FMNL2: variants seen among roughly 807,000 people sequenced by gnomAD.
The protein encoded by FMNL2 is formin like 2.
Under a neutral mutation model 130.2 loss-of-function variants are expected in FMNL2, and 51 were observed. That is an observed-to-expected ratio of 0.39 (90% confidence interval 0.31 to 0.49). The LOEUF (loss-of-function observed/expected upper bound fraction) is 0.49, where lower values mean the gene tolerates loss of function less well. FMNL2 is among the 20% of genes least tolerant of loss of function. The pLI, the probability that FMNL2 is intolerant of heterozygous loss-of-function variation, is 0.85. For missense variants in FMNL2, 977 were observed against 1,316.2 expected (o/e 0.74, Z 3.99); for synonymous variants, 465 against 467.1 (o/e 1.00, Z 0.06).
At chr2:152,397,391 A>G (rs201639612) in intron 1 of FMNL2, among the ~76,000 whole-genome samples, 21,288 of 148,638 alleles carry the variant, frequency 0.14, 1,786 homozygotes, top group African/African-American at 0.21. Flanking sequence ...TTAGGGGGAA[A>G]AAAAAAAATG....
chr2:152,348,818 GTTTTTTTTTTTTTTTTT>G (rs1244621847), intron 1 of FMNL2, among the ~76,000 whole-genome samples: 1 of 71,814 alleles, frequency 1.4e-5, no homozygotes, highest in African/African-American at 6.1e-5. Flanking sequence ...GCTTCTAAGG[GTTTTTTTTTTTTTTTTT>G]TTTTTTTTTT....
intron 1 of FMNL2, among the ~76,000 whole-genome samples, chr2:152,426,312 A>G (rs1313589788): frequency 6.6e-6 from 1 of 152,182 alleles, no homozygotes; most frequent in East Asian, 1.9e-4. Flanking sequence ...GTGTATTTAG[A>G]AGACCTTTTA....
intron 4 of FMNL2, among the ~76,000 whole-genome samples, chr2:152,556,179 A>G (rs1558960654): frequency 6.6e-6 from 1 of 152,174 alleles, no homozygotes. Flanking sequence ...CATGTCATCC[A>G]TACCCTTATT....
rs796954245 is a variant in FMNL2, at chr2:152,375,877, C to CTCTCTCTCTCTCTATATATA, written c.117+40158_117+40159insCTCTCTCTCTCTATATATAT. The stretch of plus-strand genomic sequence containing the variant: ...TCTCTCTCTCTCTCTCTCTCTCTCT[C>CTCTCTCTCTCTCTATATATA]TATATATATATATATATATAATTAT... On this transcript the variant is annotated intron_variant, in intron 1 of 25. Transcript: ENST00000288670. 5.4e-4 allele frequency among the ~76,000 whole-genome samples: 61 copies of CTCTCTCTCTCTCTATATATA among 112,462 alleles called. No individual in the cohort carries two copies. The East Asian group carries it at 0.01, about 19-fold the overall frequency. 73.8% of individuals were successfully genotyped at this position (112,462 alleles called of 152,430 possible).
intron 1 of FMNL2, chr2:152,389,805 C>G: frequency 4.3e-6 from 6 of 1,388,718 alleles, no homozygotes; most frequent in Non-Finnish European, 6.1e-6. Flanking sequence ...CAGACTTTTT[C>G]ACTGCAGGAG....
In FMNL2 at chr2:152,515,208, G is replaced by C. The variant is rs1352563855; in HGVS notation, c.118-6735G>C. On this transcript the variant is annotated intron_variant, in intron 1 of 25. Transcript: ENST00000288670. ...CTACTTTCCGTAGCAAAAAGTAATG[G>C]CTCCTTCTCTGAGGTTCTGTCGGAT... is the stretch of plus-strand genomic sequence containing the variant. Among the ~76,000 whole-genome samples, 4 of 152,152 alleles carry C rather than the reference G, an allele frequency of 2.6e-5. No individual in the cohort carries two copies. The East Asian group carries it at 5.8e-4, about 22-fold the overall frequency.
At chr2:152,442,375 C>G (rs1400342266) in intron 1 of FMNL2, among the ~76,000 whole-genome samples, 2 of 151,994 alleles carry the variant, frequency 1.3e-5, no homozygotes, top group Non-Finnish European at 2.9e-5. Context: ...CCTCAACCTC[C>G]CTAGTAGCTG....
intron 15 of FMNL2, chr2:152,621,169 A>G: frequency 3.1e-6 from 3 of 980,210 alleles, no homozygotes; most frequent in Non-Finnish European, 3.6e-6. Context: ...GTAGCCCCCA[A>G]GGCGCACTTG....
chr2:152,364,538 C>T (rs1418857016), intron 1 of FMNL2, among the ~76,000 whole-genome samples: 3 of 152,058 alleles, frequency 2.0e-5, no homozygotes, highest in African/African-American at 7.2e-5. Flanking sequence ...TCTAGTGCAA[C>T]AAGAGCAAAT....
chr2:152,415,228 C>T (rs1244361043), intron 1 of FMNL2, among the ~76,000 whole-genome samples: 2 of 151,794 alleles, frequency 1.3e-5, no homozygotes, highest in African/African-American at 4.8e-5. Context: ...ACCCACCTCT[C>T]AGTGATGGAG....
chr2:152,415,181 CA>C (rs751434551), intron 1 of FMNL2, among the ~76,000 whole-genome samples: 1 of 147,628 alleles, frequency 6.8e-6, no homozygotes, highest in African/African-American at 2.5e-5. Flanking sequence ...AAAAAAAAAA[CA>C]AAAAAACCCC....
intron 1 of FMNL2, among the ~76,000 whole-genome samples, chr2:152,344,234 G>C (rs1560282245): frequency 6.6e-6 from 1 of 152,210 alleles, no homozygotes; most frequent in Non-Finnish European, 1.5e-5. Context: ...TCTGGAATGT[G>C]ACCTGGGCAT....
intron 1 of FMNL2, among the ~76,000 whole-genome samples, chr2:152,390,864 G>A (rs751276195): frequency 6.6e-6 from 1 of 152,128 alleles, no homozygotes; most frequent in South Asian, 2.1e-4. Flanking sequence ...ACAGAAATAA[G>A]TACTGATTTA....
At chr2:152,631,217 C>G (rs1008743215) in intron 20 of FMNL2, among the ~76,000 whole-genome samples, 12 of 151,764 alleles carry the variant, frequency 7.9e-5, no homozygotes, top group Non-Finnish European at 1.2e-4. Context: ...GAAACCCTGT[C>G]TCTACTAAAA....
At chr2:152,509,432 T>C (rs1692365281) in intron 1 of FMNL2, among the ~76,000 whole-genome samples, 1 of 152,088 alleles carries the variant, frequency 6.6e-6, no homozygotes, top group South Asian at 2.1e-4. Context: ...CTGTTAGATG[T>C]GTATTGTGTA....
In FMNL2 at chr2:152,637,670, A is replaced by T; in HGVS notation, c.2942A>T (p.Tyr981Phe). The change falls in exon 23 of 26, where the codon TAT becomes TTT. Residue 981 changes from tyrosine (Y) to phenylalanine (F), a missense_variant. By Grantham distance (22) the Tyr-to-Phe change is conservative. Transcript: ENST00000288670. ...FPVFVRFVKA[Y>F]KQAEEENELR... ...GTCTTTGTCCGGTTTGTGAAAGCAT[A>T]TAAGGTATATGTTAAGGCCCTCCTT... is the stretch of plus-strand genomic sequence containing the variant. The T allele has an allele frequency of 5.0e-6, 8 of 1,613,818 alleles. No homozygotes were observed. Among genetic ancestry groups the T allele is most frequent in the Non-Finnish European group, 6.8e-6 (8 of 1,179,742 alleles).
chr2:152,536,024 C>T (rs1355705074), intron 2 of FMNL2, among the ~76,000 whole-genome samples: 1 of 152,222 alleles, frequency 6.6e-6, no homozygotes, highest in Non-Finnish European at 1.5e-5. Context: ...GAATCCAGGT[C>T]TATTTGTGTA....
chr2:152,637,007 C>T (rs1682673178), intron 22 of FMNL2, among the ~76,000 whole-genome samples: 1 of 152,108 alleles, frequency 6.6e-6, no homozygotes, highest in South Asian at 2.1e-4. Flanking sequence ...ACAGAATGAA[C>T]AGTACGCTAT....
At chr2:152,645,488 TTTC>T in intron 25 of FMNL2, 2 of 1,290,252 alleles carry the variant, frequency 1.6e-6, no homozygotes, top group African/African-American at 1.5e-5. Context: ...AGGGTAAGGA[TTTC>T]TTCTAGCACA....
Sources: allele counts gnomAD v4.1 joint callset (sites outside exome capture counted in the v4.1 genomes callset), GRCh38; gene constraint gnomAD v4.1.1; transcripts MANE v1.5; gene names NCBI Gene and HGNC (gene_info 2026-07-23, HGNC 2026-07-21).